TGFBR3: variants seen among roughly 807,000 people sequenced by gnomAD.
TGFBR3 encodes transforming growth factor beta receptor 3, also known as transforming growth factor beta receptor type 3.
In TGFBR3, 46 loss-of-function variants were observed where a neutral mutation model predicts 87.9. The observed-to-expected ratio is 0.52, with a 90% CI of 0.41 to 0.67. The LOEUF (loss-of-function observed/expected upper bound fraction) is 0.67, where lower values mean the gene tolerates loss of function less well. Ranked by LOEUF, TGFBR3 falls within the 30% of genes least tolerant of loss-of-function variation. The pLI is 0.00. For synonymous variants in TGFBR3, 381 were observed against 391.6 expected (o/e 0.97, Z 0.32); for missense variants, 866 against 1,041.9 (o/e 0.83, Z 2.32).
rs1440572838 is a variant in TGFBR3 at position 91,886,074 on chromosome 1, G to A, written c.-310C>T. 2.2e-6 allele frequency: 1 copy of A among 453,960 alleles called. No homozygotes were observed. The highest frequency in any genetic ancestry group is 2.0e-5 in the African/African-American group (1 of 50,012). 28.1% of individuals were successfully genotyped at this position (453,960 alleles called of 1,614,324 possible). A position where few individuals can be genotyped will look rare whatever the true frequency, so the allele number is the denominator to read the frequency against. ...GAATCGCGCAGGGAAAGTGGCCGGG[G>A]CGCGAGAGCCGCCGACTGCCCTCCT... On this transcript the variant is annotated 5_prime_UTR_variant, in exon 1 of 17. Coordinates refer to ENST00000212355, the MANE Select transcript of TGFBR3 (RefSeq NM_003243.5).
At chr1:91,737,155 A>G (rs1327036574) in intron 4 of TGFBR3, among the ~76,000 whole-genome samples, 2 of 152,082 alleles carry the variant, frequency 1.3e-5, no homozygotes, top group Non-Finnish European at 2.9e-5. Context: ...GGGCTGAGGA[A>G]TTTGGAACTG....
chr1:91,859,715 C>T (rs1478055508), intron 2 of TGFBR3, among the ~76,000 whole-genome samples: 1 of 152,068 alleles, frequency 6.6e-6, no homozygotes, highest in African/African-American at 2.4e-5. Context: ...CGAGACCAGC[C>T]TGGCTAACAT....
intron 5 of TGFBR3, among the ~76,000 whole-genome samples, chr1:91,730,918 G>A (rs1218246870): frequency 3.3e-5 from 5 of 152,286 alleles, no homozygotes; most frequent in East Asian, 3.9e-4. Context: ...ACCTCCACCC[G>A]GGAAAGTGAT....
chr1:91,804,214 G>A (rs956193793), intron 2 of TGFBR3, among the ~76,000 whole-genome samples: 1 of 152,138 alleles, frequency 6.6e-6, no homozygotes, highest in Non-Finnish European at 1.5e-5. Context: ...AAATGAAGGA[G>A]GTGGCATTTT....
At position 91,857,810 on chromosome 1, in the gene TGFBR3, C is replaced by T. The variant is rs965674729; in HGVS notation, c.61+3661G>A. ...AAAAATAGGGTGGGAACGAATCTTACATTTCTTTGCATGTATATCCCTAAG... is the reference window on the plus strand; with the variant it reads ...AAAAATAGGGTGGGAACGAATCTTATATTTCTTTGCATGTATATCCCTAAG... On this transcript the variant is annotated intron_variant, in intron 2 of 16. Coordinates refer to ENST00000212355, the MANE Select transcript of TGFBR3 (RefSeq NM_003243.5). 3.9e-5 allele frequency among the ~76,000 whole-genome samples: 6 copies of T among 152,158 alleles called. No individual in the cohort carries two copies. The South Asian group carries it at 1.2e-3, about 31-fold the overall frequency.
At chr1:91,804,655 G>C (rs4658116) in intron 2 of TGFBR3, among the ~76,000 whole-genome samples, 16,249 of 152,164 alleles carry the variant, frequency 0.11, 940 homozygotes, top group Non-Finnish European at 0.13. Flanking sequence ...CATGGGGCCC[G>C]AGTATAGCAC....
intron 4 of TGFBR3, among the ~76,000 whole-genome samples, chr1:91,746,438 C>T (rs989233647): frequency 2.0e-5 from 3 of 152,192 alleles, no homozygotes; most frequent in Non-Finnish European, 4.4e-5. Flanking sequence ...CCTTCCTCAT[C>T]TGCCAATGTT....
chr1:91,709,664 C>T (rs1206313212), intron 13 of TGFBR3, among the ~76,000 whole-genome samples: 1 of 152,230 alleles, frequency 6.6e-6, no homozygotes, highest in Non-Finnish European at 1.5e-5. Flanking sequence ...TGAGCATGCT[C>T]AGGCCCACTA....
intron 2 of TGFBR3, among the ~76,000 whole-genome samples, chr1:91,841,302 G>A (rs1052358726): frequency 9.2e-5 from 14 of 152,114 alleles, no homozygotes; most frequent in Non-Finnish European, 1.6e-4. Context: ...TGCAACATAC[G>A]TACCTCCCAT....
intron 2 of TGFBR3, among the ~76,000 whole-genome samples, chr1:91,807,732 T>A (rs1675886987): frequency 6.6e-6 from 1 of 152,192 alleles, no homozygotes; most frequent in Non-Finnish European, 1.5e-5. Flanking sequence ...ATGGTTTTTA[T>A]GACCTGAAGT....
chr1:91,841,793 CA>C (rs57953815), intron 2 of TGFBR3, among the ~76,000 whole-genome samples: 27,479 of 88,478 alleles, frequency 0.31, 3,198 homozygotes, highest in Non-Finnish European at 0.34. Flanking sequence ...GACTCCATCT[CA>C]AAAAAAAAAA....
chr1:91,882,060 T>TA (rs1553176394), intron 1 of TGFBR3, among the ~76,000 whole-genome samples: 47 of 134,556 alleles, frequency 3.5e-4, no homozygotes, highest in South Asian at 1.2e-3. Context: ...AATAAATAAA[T>TA]AATAAAAAAA....
chr1:91,719,173 G>C (rs1672276049), intron 10 of TGFBR3, 139 bp downstream of exon 10: 1 of 1,130,974 alleles, frequency 8.8e-7, no homozygotes, highest in South Asian at 1.4e-5. Context: ...CATCCATTTT[G>C]TTGAGAACTG....
At chr1:91,867,700 C>A (rs1678437722) in intron 1 of TGFBR3, among the ~76,000 whole-genome samples, 1 of 152,124 alleles carries the variant, frequency 6.6e-6, no homozygotes, top group African/African-American at 2.4e-5. Context: ...GGTTTCTGTA[C>A]CTTTTCATTT....
chr1:91,720,016 G>A lies in TGFBR3; in HGVS notation c.1290C>T (p.Pro430=). The change falls in exon 9 of 17, where the codon CCC becomes CCT. Residue 430 remains proline, a synonymous_variant. Coordinates refer to ENST00000212355, the MANE Select transcript of TGFBR3 (RefSeq NM_003243.5). ...TGAGACCAGGAAACAGTTGTATGCT[G>A]GGAATGACAGGGTCCTTTGGCCGAG... ...GLPRPKDPVI[P]SIQLFPGLRE... The A allele has an allele frequency of 1.2e-6, 2 of 1,614,156 alleles. No homozygotes were observed. Among genetic ancestry groups the A allele is most frequent in the Non-Finnish European group, 8.5e-7 (1 of 1,180,006 alleles).
chr1:91,781,872 A>G (rs1325582696), intron 3 of TGFBR3, among the ~76,000 whole-genome samples: 1 of 152,212 alleles, frequency 6.6e-6, no homozygotes, highest in African/African-American at 2.4e-5. Flanking sequence ...AGGCTTTGAA[A>G]GATTTTATGA....
At chr1:91,730,826 G>A (rs568833842) in intron 5 of TGFBR3, among the ~76,000 whole-genome samples, 180 of 152,328 alleles carry the variant, frequency 1.2e-3, no homozygotes, top group African/African-American at 4.3e-3. Flanking sequence ...TCTGAACACA[G>A]ACAACTCAAG....
intron 1 of TGFBR3, among the ~76,000 whole-genome samples, chr1:91,899,948 G>C (rs1489892559): frequency 6.6e-6 from 1 of 151,976 alleles, no homozygotes; most frequent in East Asian, 1.9e-4. Flanking sequence ...GCAGCATAGT[G>C]AGACCTGTCT....
intron 3 of TGFBR3, among the ~76,000 whole-genome samples, chr1:91,761,059 T>C (rs1673942759): frequency 6.6e-6 from 1 of 152,260 alleles, no homozygotes. Context: ...ACTAGTAATG[T>C]ATATCTGCAG....
Sources: gnomAD v4.1 joint callset for allele counts (sites outside exome capture counted in the v4.1 genomes callset) on GRCh38, gnomAD v4.1.1 for gene constraint, MANE v1.5 for transcripts, NCBI Gene and HGNC (gene_info 2026-07-23, HGNC 2026-07-21) for gene names.